The following ANKIB1 variants were observed in gnomAD, a reference collection of about 807,000 sequenced individuals.
ANKIB1 encodes the protein ankyrin repeat and IBR domain containing 1, also known as ankyrin repeat and IBR domain-containing protein 1.
ANKIB1 carries 43 observed loss-of-function variants against 122.1 expected under a neutral mutation model. The ratio of observed to expected loss-of-function variants is 0.35; its 90% confidence interval spans 0.28 to 0.45. The LOEUF is 0.45. Ranked by LOEUF, ANKIB1 falls within the 20% of genes least tolerant of loss-of-function variation. The pLI, the probability that ANKIB1 is intolerant of heterozygous loss-of-function variation, is 1.00. For synonymous variants in ANKIB1, 390 were observed against 442.0 expected (o/e 0.88, Z 1.48); for missense variants, 992 against 1,329.5 (o/e 0.75, Z 3.95).
At chr7:92,272,951 GGTAA>G (rs1303748570) in intron 1 of ANKIB1, among the ~76,000 whole-genome samples, 4 of 152,098 alleles carry the variant, frequency 2.6e-5, no homozygotes, top group East Asian at 1.9e-4. Context: ...GTAACCAAAT[GGTAA>G]GTATTTGTAT....
intron 10 of ANKIB1, among the ~76,000 whole-genome samples, chr7:92,368,112 C>T (rs574284110): frequency 3.3e-5 from 5 of 152,062 alleles, no homozygotes; most frequent in African/African-American, 1.2e-4. Flanking sequence ...GCTATGATTG[C>T]ACCACTGCAT....
intron 16 of ANKIB1, among the ~76,000 whole-genome samples, 200 bp downstream of exon 16, chr7:92,391,544 T>A (rs980160871): frequency 6.6e-6 from 1 of 152,154 alleles, no homozygotes; most frequent in Non-Finnish European, 1.5e-5. Flanking sequence ...ATTTTTTGTT[T>A]ATTTATCATT....
At chr7:92,308,494 T>C (rs1802613836) in intron 3 of ANKIB1, among the ~76,000 whole-genome samples, 2 of 152,108 alleles carry the variant, frequency 1.3e-5, no homozygotes, top group South Asian at 2.1e-4. Flanking sequence ...AACAAATACA[T>C]TTATTGGAGT....
At chr7:92,377,410 G>A (rs1467987579) in intron 11 of ANKIB1, among the ~76,000 whole-genome samples, 1 of 152,066 alleles carries the variant, frequency 6.6e-6, no homozygotes, top group African/African-American at 2.4e-5. Flanking sequence ...AAATATCATT[G>A]ATCGTAGATC....
chr7:92,274,026 G>A (rs997812142), intron 1 of ANKIB1, among the ~76,000 whole-genome samples: 5 of 151,860 alleles, frequency 3.3e-5, no homozygotes, highest in Admixed American at 1.3e-4. Context: ...TCCCACCTCC[G>A]GCCTCCCAAA....
intron 5 of ANKIB1, among the ~76,000 whole-genome samples, chr7:92,335,385 GTTAA>G (rs1211988620): frequency 6.6e-6 from 1 of 151,900 alleles, no homozygotes; most frequent in South Asian, 2.1e-4. Flanking sequence ...TTCTATAAAT[GTTAA>G]TTAAGGTCAG....
intron 1 of ANKIB1, among the ~76,000 whole-genome samples, chr7:92,268,597 G>C (rs923477775): frequency 4.6e-5 from 7 of 151,968 alleles, no homozygotes; most frequent in African/African-American, 1.7e-4. Flanking sequence ...CCCACCTCAG[G>C]CTCCCGTAGC....
At chr7:92,327,691 T>C (rs569862859) in intron 4 of ANKIB1, 92 bp from the exon 5 acceptor site, 3 of 523,494 alleles carry the variant, frequency 5.7e-6, no homozygotes, top group Non-Finnish European at 9.5e-6. Flanking sequence ...GAACCGTGGA[T>C]ACATTGGACT....
At chr7:92,367,311 A>G (rs1271994268) in intron 10 of ANKIB1, among the ~76,000 whole-genome samples, 1 of 152,228 alleles carries the variant, frequency 6.6e-6, no homozygotes, top group Non-Finnish European at 1.5e-5. Flanking sequence ...ACACTGAAAG[A>G]TAGTGACCAG....
At chr7:92,280,755 G>T (rs1187621988) in intron 1 of ANKIB1, among the ~76,000 whole-genome samples, 1 of 152,160 alleles carries the variant, frequency 6.6e-6, no homozygotes, top group Non-Finnish European at 1.5e-5. Flanking sequence ...AAATCTCGCT[G>T]ACAACTTTTA....
At chr7:92,290,259 T>A (rs1802217106) in intron 1 of ANKIB1, among the ~76,000 whole-genome samples, 1 of 152,250 alleles carries the variant, frequency 6.6e-6, no homozygotes, top group Admixed American at 6.5e-5. Context: ...GCTGCCTGAA[T>A]GAACTTCCTG....
At chr7:92,367,784 G>T (rs1404577319) in intron 10 of ANKIB1, among the ~76,000 whole-genome samples, 1 of 152,178 alleles carries the variant, frequency 6.6e-6, no homozygotes, top group African/African-American at 2.4e-5. Flanking sequence ...TGAAATGATG[G>T]TTAATTTATA....
chr7:92,354,411 G>T (rs1803741912), intron 9 of ANKIB1, among the ~76,000 whole-genome samples: 1 of 152,086 alleles, frequency 6.6e-6, no homozygotes, highest in Non-Finnish European at 1.5e-5. Context: ...CATGTGAATG[G>T]CCACATGGAC....
chr7:92,381,095 A>G (rs1804502234), intron 11 of ANKIB1, among the ~76,000 whole-genome samples: 1 of 152,178 alleles, frequency 6.6e-6, no homozygotes, highest in South Asian at 2.1e-4. Context: ...ATGGCACGAG[A>G]ACTATGTGAC....
intron 5 of ANKIB1, 63 bp downstream of exon 5, chr7:92,327,963 T>C: frequency 9.4e-7 from 1 of 1,064,488 alleles, no homozygotes; most frequent in Non-Finnish European, 1.4e-6. Flanking sequence ...TCTGAGTTTT[T>C]AAAAGGGCTA....
chr7:92,272,241 A>G (rs1244725231), intron 1 of ANKIB1, among the ~76,000 whole-genome samples: 1 of 152,226 alleles, frequency 6.6e-6, no homozygotes, highest in Admixed American at 6.5e-5. Flanking sequence ...GTGAAATTTT[A>G]TAGCTATGGA....
chr7:92,278,336 T>C (rs1044617976), intron 1 of ANKIB1, among the ~76,000 whole-genome samples: 2 of 152,144 alleles, frequency 1.3e-5, no homozygotes, highest in Non-Finnish European at 1.5e-5. Context: ...TGTCTCGTAG[T>C]CAGGGCTGTT....
intron 3 of ANKIB1, among the ~76,000 whole-genome samples, chr7:92,308,376 G>A (rs1299183200): frequency 6.6e-6 from 1 of 151,764 alleles, no homozygotes; most frequent in African/African-American, 2.4e-5. Context: ...TGATTTTTTT[G>A]GTCACCAATT....
intron 5 of ANKIB1, among the ~76,000 whole-genome samples, chr7:92,330,191 A>G (rs951828268): frequency 2.0e-5 from 3 of 152,112 alleles, no homozygotes; most frequent in African/African-American, 7.2e-5. Context: ...ATTTTATTCC[A>G]TGCATATATG....
Sources: gnomAD v4.1 joint callset for allele counts (sites outside exome capture counted in the v4.1 genomes callset) on GRCh38, gnomAD v4.1.1 for gene constraint, MANE v1.5 for transcripts, NCBI Gene and HGNC (gene_info 2026-07-23, HGNC 2026-07-21) for gene names.